Variants in TRMT61A observed in about 807,000 individuals in gnomAD.
The protein encoded by TRMT61A is tRNA methyltransferase 61A, also known as tRNA (adenine(58)-N(1))-methyltransferase catalytic subunit TRMT61A.
TRMT61A carries 15 observed loss-of-function variants against 21.3 expected under a neutral mutation model. That is an observed-to-expected ratio of 0.70 (90% CI 0.47 to 1.08). The LOEUF (loss-of-function observed/expected upper bound fraction) is 1.08. Among genes scored for constraint, TRMT61A ranks in the 50% least tolerant of loss-of-function variants. The pLI, the probability that TRMT61A is intolerant of heterozygous loss-of-function variation, is 0.00. For missense variants in TRMT61A, 352 were observed against 426.7 expected (o/e 0.83, Z 1.54); for synonymous variants, 183 against 185.5 (o/e 0.99, Z 0.11).
In TRMT61A at chr14:103,536,772, G is replaced by A. The variant is rs1284874526; in HGVS notation, c.*1951G>A. ...CCTCAGGCACCGTAGGGTCCAGGTT[G>A]TGCCCATTTTCCAGCCGGGGCTGGT... On this transcript the variant is annotated 3_prime_UTR_variant, in exon 4 of 4. Coordinates refer to ENST00000389749, the MANE Select transcript of TRMT61A (RefSeq NM_152307.3). 1 of 152,248 alleles carries A rather than the reference G, an allele frequency of 6.6e-6. No homozygotes were observed. The highest frequency in any genetic ancestry group is 2.4e-5 in the African/African-American group (1 of 41,448). The allele number at this position is 152,248 out of a possible 1,614,324, so 9.4% of individuals were successfully genotyped here. A position where few individuals can be genotyped will look rare whatever the true frequency, so the allele number is the denominator to read the frequency against.
chr14:103,534,995 C>A lies in TRMT61A; in HGVS notation c.*174C>A. The A allele has an allele frequency of 1.2e-6, 1 of 819,596 alleles. No individual in the cohort carries two copies. Among genetic ancestry groups the A allele is most frequent in the Non-Finnish European group, 2.0e-6 (1 of 492,776 alleles). 50.8% of individuals were successfully genotyped at this position (819,596 alleles called of 1,614,324 possible). ...AGGAAGGGCGGCTGTGATGGAGGAG[C>A]AGTGCTGGGGCTGGGCCTCAGCCAT... is the stretch of plus-strand genomic sequence containing the variant. On this transcript the variant is annotated 3_prime_UTR_variant, in exon 4 of 4. Transcript: ENST00000389749.
chr14:103,534,365 G>A (rs568539308), intron 3 of TRMT61A, among the ~76,000 whole-genome samples, 185 bp from the exon 4 acceptor site: 1 of 152,222 alleles, frequency 6.6e-6, no homozygotes, highest in Non-Finnish European at 1.5e-5. Flanking sequence ...GGCCCCATGG[G>A]GGGCTGTCAG....
At position 103,535,403 on chromosome 14, in the gene TRMT61A, C is replaced by T. The variant is rs990056129; in HGVS notation, c.*582C>T. On this transcript the variant is annotated 3_prime_UTR_variant, in exon 4 of 4. Coordinates refer to ENST00000389749, the MANE Select transcript of TRMT61A (RefSeq NM_152307.3). The stretch of plus-strand genomic sequence containing the variant: ...CAGGGAGGTGACCCTGCTCTCTGGC[C>T]TCCTGGCTGATGTCACAGCACTGAG... 6.6e-6 allele frequency: 3 copies of T among 453,470 alleles called. No individual in the cohort carries two copies. Among genetic ancestry groups the T allele is most frequent in the East Asian group, 6.9e-5 (1 of 14,392 alleles). 28.1% of individuals were successfully genotyped at this position (453,470 alleles called of 1,614,324 possible). A position where few individuals can be genotyped will look rare whatever the true frequency, so the allele number is the denominator to read the frequency against.
intron 3 of TRMT61A, among the ~76,000 whole-genome samples, chr14:103,533,919 A>G (rs2075963865): frequency 6.6e-6 from 1 of 152,200 alleles, no homozygotes; most frequent in African/African-American, 2.4e-5. Context: ...ACCAAACCTC[A>G]GGGACGTTTG....
rs948804874 is a variant in TRMT61A, at chr14:103,536,709, C to T, written c.*1888C>T. 7 of 152,288 alleles carry T rather than the reference C, an allele frequency of 4.6e-5. No individual in the cohort carries two copies. Among genetic ancestry groups the T allele is most frequent in the African/African-American group, 1.7e-4 (7 of 41,428 alleles). 9.4% of individuals were successfully genotyped at this position (152,288 alleles called of 1,614,324 possible). On this transcript the variant is annotated 3_prime_UTR_variant, in exon 4 of 4. Coordinates refer to ENST00000389749, the MANE Select transcript of TRMT61A (RefSeq NM_152307.3). Reference sequence around the variant, plus strand: ...GATGGGTGGACACCGGGAGGTGTTTCTTTGAGGCGCAGCTCCATGGTTTAT... The same window carrying T: ...GATGGGTGGACACCGGGAGGTGTTTTTTTGAGGCGCAGCTCCATGGTTTAT...
intron 3 of TRMT61A, among the ~76,000 whole-genome samples, chr14:103,533,902 T>G (rs1410218089): frequency 7.2e-5 from 11 of 152,198 alleles, no homozygotes; most frequent in African/African-American, 2.4e-4. Flanking sequence ...AGGGTACAGC[T>G]GAGGAGACCA....
At chr14:103,530,409 A>C (rs1595999469) in intron 2 of TRMT61A, 100 bp downstream of exon 2, 2 of 1,063,852 alleles carry the variant, frequency 1.9e-6, no homozygotes, top group East Asian at 2.5e-5. Flanking sequence ...GTGGCTCCTC[A>C]GTTTCTATTT....
Position 103,531,449 on chromosome 14 carries a change from A to G in TRMT61A, c.332-1133A>G, listed in dbSNP as rs1248952757. On this transcript the variant is annotated intron_variant, in intron 2 of 3. Transcript: ENST00000389749. This position sits in a 1 kb window ranked among gnomAD's most constrained non-coding sequence, Gnocchi z 5.1. ...CGTGCCGAGGCCCTGCAGTTGGAGCATGCTGCCGAGTCAGGCTCAGTGGGG... is the reference window on the plus strand; with the variant it reads ...CGTGCCGAGGCCCTGCAGTTGGAGCGTGCTGCCGAGTCAGGCTCAGTGGGG... Among the ~76,000 whole-genome samples the G allele has an allele frequency of 2.6e-5, 4 of 152,200 alleles. No homozygotes were observed. Among genetic ancestry groups the G allele is most frequent in the African/African-American group, 7.2e-5 (3 of 41,446 alleles).
chr14:103,534,707 A>C lies in TRMT61A; in HGVS notation c.756A>C (p.Thr252=). The C allele has an allele frequency of 6.2e-7, 1 of 1,607,314 alleles. No homozygotes were observed. The highest frequency in any genetic ancestry group is 8.5e-7 in the Non-Finnish European group (1 of 1,179,212). Residue 252 remains threonine, a synonymous_variant, in exon 4 of 4, where the codon ACA becomes ACC. Transcript: ENST00000389749. ...GCCTGCCACCGCCCGACCTGGGCAC[A>C]GGCACAGATGGCCCTGCCGGCTCCG... ...TVSLPPPDLG[T]GTDGPAGSDT...
Position 103,534,547 on chromosome 14 carries a change from C to T in TRMT61A, c.599-3C>T. 6.5e-7 allele frequency: 1 copy of T among 1,547,388 alleles called. No individual in the cohort carries two copies. The highest frequency in any genetic ancestry group is 8.8e-7 in the Non-Finnish European group (1 of 1,141,186). The stretch of plus-strand genomic sequence containing the variant: ...TCTGACCCTCGGGTCCTGTTTCCCA[C>T]AGGCGGGCGCTTCTGCTCCTTCTCA... On this transcript the variant is annotated splice_polypyrimidine_tract_variant and splice_region_variant and intron_variant, in intron 3 of 3. Transcript: ENST00000389749.
chr14:103,534,574 C>T lies in TRMT61A; in HGVS notation c.623C>T (p.Pro208Leu), dbSNP rs767863051. ...GGCGGGCGCTTCTGCTCCTTCTCAC[C>T]GTGCATCGAGCAGGTGCAACGCACA... ...VEGGRFCSFS[P>L]CIEQVQRTCQ... Residue 208 changes from proline to leucine, a missense_variant, in exon 4 of 4, where the codon CCG becomes CTG. Transcript: ENST00000389749. 26 of 1,576,466 alleles carry T rather than the reference C, an allele frequency of 1.6e-5. No homozygotes were observed. Among genetic ancestry groups the T allele is most frequent in the Admixed American group, 5.2e-5 (3 of 57,208 alleles).
rs1244254158 is a variant in TRMT61A, at chr14:103,534,820, AG to A, written c.*4del. On this transcript the variant is annotated frameshift_variant and stop_lost, in exon 4 of 4. Transcript: ENST00000389749. LOFTEE classifies it high-confidence loss of function. The stretch of plus-strand genomic sequence containing the variant: ...ACCTTCGCCACCAAGACCCCAGGCT[AG>A]GGGGCCGCCTCCCAGGGCACCAGGG... The part of the protein sequence containing the change: ...YLTFATKTPG[*>X] 2.6e-6 allele frequency: 4 copies of A among 1,545,810 alleles called. No homozygotes were observed. Among genetic ancestry groups the A allele is most frequent in the Non-Finnish European group, 2.6e-6 (3 of 1,148,622 alleles).
intron 2 of TRMT61A, among the ~76,000 whole-genome samples, chr14:103,530,987 C>T (rs1168739333): frequency 1.3e-5 from 2 of 152,194 alleles, no homozygotes; most frequent in African/African-American, 4.8e-5. Context: ...GGCTGCAGGT[C>T]ACCATGTCCC....
In TRMT61A at chr14:103,536,490, T is replaced by A. The variant is rs1057025208; in HGVS notation, c.*1669T>A. On this transcript the variant is annotated 3_prime_UTR_variant, in exon 4 of 4. Transcript: ENST00000389749. ...CAGGACCCAGCTTCCCTTCTAACCT[T>A]GTTACTCACCTGGGGCACAGAGGAG... 3 of 152,224 alleles carry A rather than the reference T, an allele frequency of 2.0e-5. No homozygotes were observed. The highest frequency in any genetic ancestry group is 7.2e-5 in the African/African-American group (3 of 41,426). The allele number at this position is 152,224 out of a possible 1,614,324, so 9.4% of individuals were successfully genotyped here. A position where few individuals can be genotyped will look rare whatever the true frequency, so the allele number is the denominator to read the frequency against.
chr14:103,535,685 C>T lies in TRMT61A; in HGVS notation c.*864C>T. 1 of 285,456 alleles carries T rather than the reference C, an allele frequency of 3.5e-6. No individual in the cohort carries two copies. Among genetic ancestry groups the T allele is most frequent in the South Asian group, 3.1e-5 (1 of 32,314 alleles). The allele number at this position is 285,456 out of a possible 1,614,324, so 17.7% of individuals were successfully genotyped here. A position where few individuals can be genotyped will look rare whatever the true frequency, so the allele number is the denominator to read the frequency against. On this transcript the variant is annotated 3_prime_UTR_variant, in exon 4 of 4. Coordinates refer to ENST00000389749, the MANE Select transcript of TRMT61A (RefSeq NM_152307.3). ...CATGGAGGAGGTCCCTCCACAGTGACAACGGTGTGGGGTAGGGGAGGTGCA... is the reference window on the plus strand; with the variant it reads ...CATGGAGGAGGTCCCTCCACAGTGATAACGGTGTGGGGTAGGGGAGGTGCA...
chr14:103,530,949 C>A (rs146868711), intron 2 of TRMT61A, among the ~76,000 whole-genome samples: 35 of 152,314 alleles, frequency 2.3e-4, no homozygotes, highest in African/African-American at 8.4e-4. Flanking sequence ...ACGAAGAGTG[C>A]CTAGCACTGC....
chr14:103,530,236 C>T lies in TRMT61A; in HGVS notation c.258C>T (p.Ile86=), dbSNP rs2075949230. Residue 86 remains isoleucine, a synonymous_variant, in exon 2 of 4, where the codon ATC becomes ATT. Transcript: ENST00000389749. ...TGAACCTGCCGCACCGCACGCAGAT[C>T]CTCTACTCCACAGACATCGCCCTCA... The part of the protein sequence containing the change: ...WTLNLPHRTQ[I]LYSTDIALIT... The T allele has an allele frequency of 6.2e-7, 1 of 1,611,044 alleles. No individual in the cohort carries two copies. The highest frequency in any genetic ancestry group is 8.5e-7 in the Non-Finnish European group (1 of 1,178,220).
intron 3 of TRMT61A, 127 bp downstream of exon 3, chr14:103,532,975 C>A: frequency 1.5e-6 from 2 of 1,300,988 alleles, no homozygotes; most frequent in Non-Finnish European, 2.1e-6. Context: ...AGGCCAGGGC[C>A]CCACTTTGGC....
chr14:103,530,714 T>C (rs912076088), intron 2 of TRMT61A, among the ~76,000 whole-genome samples: 1 of 152,176 alleles, frequency 6.6e-6, no homozygotes, highest in African/African-American at 2.4e-5. Flanking sequence ...TCACTGTAGG[T>C]GGGGAGCCTT....
Sources: gnomAD v4.1 joint callset for allele counts (sites outside exome capture counted in the v4.1 genomes callset) on GRCh38, gnomAD v4.1.1 for gene constraint, Gnocchi (gnomAD v3.1) non-coding constraint, MANE v1.5 for transcripts, NCBI Gene and HGNC (gene_info 2026-07-23, HGNC 2026-07-21) for gene names.